The following PPFIA1 variants were observed in gnomAD, a reference collection of about 807,000 sequenced individuals.
PPFIA1 encodes liprin-alpha-1.
A neutral mutation model predicts 149.9 loss-of-function variants in PPFIA1; 25 were observed. The observed-to-expected ratio is 0.17, with a 90% CI of 0.12 to 0.23. The LOEUF (loss-of-function observed/expected upper bound fraction) is 0.23, where lower values mean the gene tolerates loss of function less well. PPFIA1 is among the 10% of genes least tolerant of loss of function. PPFIA1 has a pLI of 1.00. For missense variants in PPFIA1, 1,362 were observed against 1,506.5 expected (o/e 0.90, Z 1.59); for synonymous variants, 549 against 552.8 (o/e 0.99, Z 0.10).
In PPFIA1 at chr11:70,272,259, G is replaced by T. The variant is rs35662360; in HGVS notation, c.87G>T (p.Gln29His). The T allele has an allele frequency of 6.7e-4, 1,077 of 1,614,182 alleles. 10 individuals carry two copies. In the African/African-American group the frequency reaches 0.013, roughly 20 times the overall value. The change falls in exon 2 of 28, where the codon CAG (glutamine) becomes CAT (histidine). Residue 29 changes from glutamine to histidine, a missense_variant. Coordinates refer to ENST00000253925, the MANE Select transcript of PPFIA1 (RefSeq NM_003626.5). Reference sequence around the variant, plus strand: ...GCCATGGTTCCGGCTCCCCTTCACAGCCAGATGCAGATTCACATTTTGAAC... The same window carrying T: ...GCCATGGTTCCGGCTCCCCTTCACATCCAGATGCAGATTCACATTTTGAAC... ...GGGHGSGSPS[Q>H]PDADSHFEQL...
chr11:70,337,930 T>C (rs922313734), intron 12 of PPFIA1, among the ~76,000 whole-genome samples: 1 of 152,222 alleles, frequency 6.6e-6, no homozygotes, highest in Non-Finnish European at 1.5e-5. Context: ...TAGCCACGTC[T>C]GGCCAGTGTT....
At chr11:70,348,138 A>G (rs748748926) in intron 15 of PPFIA1, 51 bp from the exon 16 acceptor site, 3 of 1,537,910 alleles carry the variant, frequency 2.0e-6, no homozygotes, top group South Asian at 1.1e-5. Flanking sequence ...ATGCAAACAC[A>G]TTAATCTGTT....
intron 2 of PPFIA1, among the ~76,000 whole-genome samples, chr11:70,287,993 A>G (rs114642829): frequency 0.028 from 4,223 of 151,710 alleles, 222 homozygotes; most frequent in African/African-American, 0.098. Flanking sequence ...GTTAAAGTCT[A>G]AGTGTGTATA....
rs547597555 is a variant in PPFIA1 at position 70,297,436 on chromosome 11, A to G, written c.264+25000A>G. ...TGAAAAAAAAAGAAAAAATGAAAAA[A>G]GATGTAAACAATATGGAAACATATG... On this transcript the variant is annotated intron_variant, in intron 2 of 27. Transcript: ENST00000253925. Among the ~76,000 whole-genome samples the G allele has an allele frequency of 5.9e-5, 9 of 152,284 alleles. No homozygotes were observed. The South Asian group carries it at 1.9e-3, about 32-fold the overall frequency.
In PPFIA1 at chr11:70,324,990, C is replaced by T; in HGVS notation, c.510C>T (p.His170=). Residue 170 remains histidine, a synonymous_variant, in exon 4 of 28, where the codon CAC becomes CAT. Coordinates refer to ENST00000253925, the MANE Select transcript of PPFIA1 (RefSeq NM_003626.5). The part of the protein sequence containing the change: ...VLKALKSLFE[H]HKALDEKVRE... Reference sequence around the variant, plus strand: ...AAGCACTGAAGTCCTTATTTGAACACCACAAAGCTCTGGATGAAAAGGTGC... The same window carrying T: ...AAGCACTGAAGTCCTTATTTGAACATCACAAAGCTCTGGATGAAAAGGTGC... 7 of 1,610,072 alleles carry T rather than the reference C, an allele frequency of 4.3e-6. No individual in the cohort carries two copies. Among genetic ancestry groups the T allele is most frequent in the Non-Finnish European group, 5.9e-6 (7 of 1,179,018 alleles).
chr11:70,365,475 T>A, intron 21 of PPFIA1: 1 of 456,552 alleles, frequency 2.2e-6, no homozygotes, highest in Non-Finnish European at 4.4e-6. Context: ...CCCAGCGCGT[T>A]TTCCACTTAA....
intron 2 of PPFIA1, among the ~76,000 whole-genome samples, chr11:70,290,440 C>G (rs952053435): frequency 3.2e-4 from 48 of 152,338 alleles, no homozygotes; most frequent in Middle Eastern, 3.4e-3. Flanking sequence ...CCTTCTTTCA[C>G]TCTCAGAAAT....
chr11:70,278,906 C>A, intron 2 of PPFIA1: 2 of 556,314 alleles, frequency 3.6e-6, no homozygotes, highest in South Asian at 1.7e-5. Flanking sequence ...GGAATCCAGG[C>A]AGCCTTTAGA....
At chr11:70,303,223 G>A (rs929126105) in intron 2 of PPFIA1, among the ~76,000 whole-genome samples, 1 of 152,110 alleles carries the variant, frequency 6.6e-6, no homozygotes, top group African/African-American at 2.4e-5. Context: ...GCCCTACCGC[G>A]TGTTCGAGTG....
chr11:70,372,440 T>TA (rs1307373558), intron 22 of PPFIA1, 37 bp from the exon 23 acceptor site: 4 of 1,612,734 alleles, frequency 2.5e-6, no homozygotes, highest in Non-Finnish European at 3.4e-6. Flanking sequence ...TTTTCACTGT[T>TA]ACCATCTCTA....
rs2057556922 is a variant in PPFIA1 at position 70,378,057 on chromosome 11, C to T, written c.3412C>T (p.Pro1138Ser). ...TGATGATAAAAGCTTTAGGAGAGCACCTTCATGGAGAAAAAAGTTTAGACC... is the reference window on the plus strand; with the variant it reads ...TGATGATAAAAGCTTTAGGAGAGCATCTTCATGGAGAAAAAAGTTTAGACC... ...EDDDKSFRRA[P>S]SWRKKFRPKD... Residue 1138 changes from proline to serine, a missense_variant, in exon 26 of 28, where the codon CCT becomes TCT. Pro to Ser is a moderately conservative substitution (Grantham distance 74). This residue lies in a region of PPFIA1 where 349 missense variants were observed against 373.3 expected (regional missense o/e 0.93). Coordinates refer to ENST00000253925, the MANE Select transcript of PPFIA1 (RefSeq NM_003626.5). 2 of 1,613,416 alleles carry T rather than the reference C, an allele frequency of 1.2e-6. No individual in the cohort carries two copies. Among genetic ancestry groups the T allele is most frequent in the Non-Finnish European group, 1.7e-6 (2 of 1,179,700 alleles).
chr11:70,310,195 T>C (rs1285649119), intron 2 of PPFIA1, among the ~76,000 whole-genome samples: 1 of 152,116 alleles, frequency 6.6e-6, no homozygotes, highest in Non-Finnish European at 1.5e-5. Flanking sequence ...GGATTATAAA[T>C]TGTGTTTATT....
At chr11:70,331,875 T>A (rs924817783) in intron 8 of PPFIA1, 85 bp from the exon 9 acceptor site, 52 of 1,433,966 alleles carry the variant, frequency 3.6e-5, no homozygotes, top group Non-Finnish European at 4.6e-5. Flanking sequence ...TTAGTCTGTA[T>A]CTGCATTTCA....
At chr11:70,315,450 G>C (rs927941906) in intron 2 of PPFIA1, among the ~76,000 whole-genome samples, 4 of 151,834 alleles carry the variant, frequency 2.6e-5, no homozygotes, top group Admixed American at 1.3e-4. Context: ...GTGGCACCAG[G>C]GTTTCAAAAC....
intron 21 of PPFIA1, chr11:70,371,522 A>ATTGTTGGG (rs2057263876): frequency 8.1e-3 from 11 of 1,350 alleles, no homozygotes; most frequent in African/African-American, 0.029. Context: ...TCTACATTCC[A>ATTGTTGGG]TTGTTGGGTG....
chr11:70,365,023 G>T (rs2056846392), intron 21 of PPFIA1: 1 of 165,942 alleles, frequency 6.0e-6, no homozygotes, highest in Admixed American at 6.1e-5. Context: ...TTTCATGCTG[G>T]GTTCTTTGTT....
chr11:70,352,934 G>A (rs2137307236), intron 16 of PPFIA1, among the ~76,000 whole-genome samples: 1 of 152,308 alleles, frequency 6.6e-6, no homozygotes, highest in East Asian at 1.9e-4. Context: ...TCTGTACTCT[G>A]TTTTTGGTTT....
At chr11:70,295,374 C>T (rs1274220343) in intron 2 of PPFIA1, among the ~76,000 whole-genome samples, 4 of 139,606 alleles carry the variant, frequency 2.9e-5, no homozygotes, top group Non-Finnish European at 4.6e-5. Flanking sequence ...GCTGGCCGGG[C>T]GGGGGGCTGA....
chr11:70,372,191 AC>A, intron 21 of PPFIA1, 23 bp from the exon 22 acceptor site: 1 of 1,585,630 alleles, frequency 6.3e-7, no homozygotes, highest in South Asian at 1.2e-5. Flanking sequence ...TCTGTAACTG[AC>A]CTTTTCCATT....
Sources: allele counts gnomAD v4.1 joint callset (sites outside exome capture counted in the v4.1 genomes callset), GRCh38; gene constraint gnomAD v4.1.1; regional missense constraint gnomAD v4.1.1; transcripts MANE v1.5; gene names NCBI Gene and HGNC (gene_info 2026-07-23, HGNC 2026-07-21).